The following TRIQK variants were observed in gnomAD, a reference collection of about 807,000 sequenced individuals.
TRIQK encodes triple QxxK/R motif-containing protein.
In TRIQK, 10 loss-of-function variants were observed where a neutral mutation model predicts 10.8. The observed-to-expected ratio is 0.92, with a 90% CI of 0.57 to 1.57. The LOEUF (loss-of-function observed/expected upper bound fraction) is 1.57, where lower values mean the gene tolerates loss of function less well. TRIQK is among the 40% of genes most tolerant of loss of function. The probability of loss-of-function intolerance (pLI) is 0.00; values close to 1 mark genes in which losing one functional copy is unlikely to be tolerated. For synonymous variants in TRIQK, 33 were observed against 33.7 expected (o/e 0.98, Z 0.07); for missense variants, 107 against 97.7 (o/e 1.09, Z -0.40).
chr8:92,964,130 C>G (rs1812607533), intron 1 of TRIQK, among the ~76,000 whole-genome samples: 1 of 151,964 alleles, frequency 6.6e-6, no homozygotes, highest in Non-Finnish European at 1.5e-5. Flanking sequence ...CAAAAGGGAA[C>G]TGCAGATGAC....
intron 2 of TRIQK, chr8:92,929,711 C>T (rs1465342423): frequency 6.6e-6 from 1 of 152,094 alleles, no homozygotes; most frequent in Non-Finnish European, 1.5e-5. Context: ...AAGGGATAGG[C>T]ATTTCAAATC....
chr8:92,948,060 C>G (rs574172602), intron 2 of TRIQK, among the ~76,000 whole-genome samples: 55 of 152,134 alleles, frequency 3.6e-4, no homozygotes, highest in African/African-American at 1.3e-3. Flanking sequence ...TTCTCACACA[C>G]ATAAAAACAC....
chr8:92,903,956 T>C (rs1171420850), intron 3 of TRIQK, among the ~76,000 whole-genome samples: 5 of 152,086 alleles, frequency 3.3e-5, no homozygotes, highest in Admixed American at 2.6e-4. Context: ...GAGATATGTA[T>C]TGTTTTAGAT....
At chr8:92,953,635 C>G (rs1352511017) in intron 2 of TRIQK, 2 of 151,826 alleles carry the variant, frequency 1.3e-5, no homozygotes, top group Non-Finnish European at 2.9e-5. Flanking sequence ...TGAGAAAATG[C>G]CTGGCACGTT....
At chr8:93,009,531 C>T (rs1813308394) in intron 1 of TRIQK, among the ~76,000 whole-genome samples, 3 of 152,164 alleles carry the variant, frequency 2.0e-5, no homozygotes, top group South Asian at 4.1e-4. Context: ...ATCGCCTGAA[C>T]CCAGAAGGCA....
intron 2 of TRIQK, among the ~76,000 whole-genome samples, chr8:92,925,422 A>G (rs886301312): frequency 2.0e-5 from 3 of 152,166 alleles, no homozygotes; most frequent in Non-Finnish European, 4.4e-5. Flanking sequence ...ATATTTGCTT[A>G]TCAAGACACC....
chr8:93,016,432 G>C (rs1212315673), intron 1 of TRIQK, among the ~76,000 whole-genome samples: 3 of 152,152 alleles, frequency 2.0e-5, no homozygotes, highest in African/African-American at 4.8e-5. Flanking sequence ...TTAACAACTA[G>C]TTTTCTAATC....
At chr8:92,922,295 G>A (rs1810232152) in intron 2 of TRIQK, 2 of 151,674 alleles carry the variant, frequency 1.3e-5, no homozygotes, top group Admixed American at 1.3e-4. Context: ...ATAGTATTTT[G>A]CATTTATTAA....
intron 2 of TRIQK, among the ~76,000 whole-genome samples, chr8:92,925,206 C>G (rs934888497): frequency 6.6e-6 from 1 of 151,944 alleles, no homozygotes; most frequent in Non-Finnish European, 1.5e-5. Context: ...AAACAAACAA[C>G]CAAAAATATT....
intron 1 of TRIQK, among the ~76,000 whole-genome samples, chr8:93,014,671 T>C (rs1459849388): frequency 1.3e-5 from 2 of 152,054 alleles, no homozygotes; most frequent in East Asian, 1.9e-4. Context: ...GTTTAGACAA[T>C]ACACTCTTTG....
At chr8:92,943,034 T>C (rs1211633644) in intron 2 of TRIQK, among the ~76,000 whole-genome samples, 3 of 149,024 alleles carry the variant, frequency 2.0e-5, no homozygotes, top group African/African-American at 7.4e-5. Flanking sequence ...AAGCAAACTA[T>C]CTAAAAATGA....
chr8:93,008,795 C>G (rs1008472430), intron 1 of TRIQK, among the ~76,000 whole-genome samples: 2 of 152,146 alleles, frequency 1.3e-5, no homozygotes, highest in Non-Finnish European at 1.5e-5. Context: ...AAATAATAAA[C>G]CTAGACCCCT....
intron 1 of TRIQK, among the ~76,000 whole-genome samples, chr8:93,011,175 TACATACACACACACAC>T (rs1189007853): frequency 7.8e-6 from 1 of 127,424 alleles, no homozygotes; most frequent in East Asian, 2.2e-4. Flanking sequence ...TGTATACACA[TACATACACACACACAC>T]ACACACACAC....
intron 2 of TRIQK, among the ~76,000 whole-genome samples, chr8:92,922,982 G>T (rs1810263294): frequency 6.6e-6 from 1 of 151,698 alleles, no homozygotes; most frequent in South Asian, 2.1e-4. Flanking sequence ...AACAAAAAAT[G>T]CTTATAGAAC....
rs1377760176 is a variant in TRIQK, at chr8:92,916,995, A to T, written c.-6T>A. On this transcript the variant is annotated 5_prime_UTR_variant, in exon 3 of 5. Transcript: ENST00000521988. ...GCAGCATCTTTTCTACCCATCTTTG[A>T]TCTCCAAAATGCCTGCTGAAAAGAA... The T allele has an allele frequency of 4.0e-6, 6 of 1,500,838 alleles. 1 individual carries two copies. The South Asian group carries it at 6.5e-5, about 16-fold the overall frequency. 93.0% of individuals were successfully genotyped at this position (1,500,838 alleles called of 1,614,324 possible).
chr8:92,946,002 G>T (rs1482277428), intron 2 of TRIQK, among the ~76,000 whole-genome samples: 1 of 151,810 alleles, frequency 6.6e-6, no homozygotes, highest in African/African-American at 2.4e-5. Context: ...TATCAAAACG[G>T]AAAATTAGAA....
chr8:92,974,854 C>T (rs1812915282), intron 1 of TRIQK: 1 of 152,188 alleles, frequency 6.6e-6, no homozygotes, highest in African/African-American at 2.4e-5. Context: ...CAGTTTTAGC[C>T]TTATGTCTTC....
intron 2 of TRIQK, among the ~76,000 whole-genome samples, chr8:92,936,286 T>C (rs1375478691): frequency 6.6e-6 from 1 of 151,678 alleles, no homozygotes; most frequent in Non-Finnish European, 1.5e-5. Flanking sequence ...ATGATGAAGC[T>C]GGGCTAATCA....
intron 2 of TRIQK, among the ~76,000 whole-genome samples, chr8:92,949,800 AAGAAAGAAAG>A (rs767454068): frequency 1.7e-5 from 2 of 118,042 alleles, no homozygotes; most frequent in African/African-American, 6.6e-5. Context: ...GAAAGAAAGA[AAGAAAGAAAG>A]AAAGAAAGAA....
Sources: gnomAD v4.1 joint callset for allele counts (sites outside exome capture counted in the v4.1 genomes callset) on GRCh38, gnomAD v4.1.1 for gene constraint, MANE v1.5 for transcripts, NCBI Gene and HGNC (gene_info 2026-07-23, HGNC 2026-07-21) for gene names.